GAREM2: variants seen among roughly 807,000 people sequenced by gnomAD.
GAREM2 encodes the protein GRB2-associated and regulator of MAPK protein 2.
Under a neutral mutation model 55.6 loss-of-function variants are expected in GAREM2, and 30 were observed. The observed-to-expected ratio is 0.54, with a 90% CI of 0.40 to 0.73. The LOEUF (loss-of-function observed/expected upper bound fraction) is 0.73. Among genes scored for constraint, GAREM2 ranks in the 30% least tolerant of loss-of-function variants. GAREM2 has a pLI of 0.00. For missense variants in GAREM2, 1,075 were observed against 1,257.7 expected (o/e 0.85, Z 2.20); for synonymous variants, 550 against 569.1 (o/e 0.97, Z 0.48).
At chr2:26,202,401 A>C in the GAREM2 span, among the ~76,000 whole-genome samples, 1 of 152,170 alleles carries the variant, frequency 6.6e-6, no homozygotes, top group Non-Finnish European at 1.5e-5. Flanking sequence ...TTCCTTAACC[A>C]AAAGCAAAAT....
chr2:26,194,646 G>A (rs1458577630), downstream of GAREM2: 2 of 1,597,728 alleles, frequency 1.3e-6, no homozygotes, highest in Non-Finnish European at 1.7e-6. Flanking sequence ...ATCCTGCCAA[G>A]GAAGAGAACA....
the GAREM2 span, among the ~76,000 whole-genome samples, chr2:26,197,264 G>A: frequency 6.6e-6 from 1 of 152,148 alleles, no homozygotes; most frequent in Non-Finnish European, 1.5e-5. Context: ...ATGTCCCGGG[G>A]TAGAAGGTGT....
At chr2:26,182,094 A>T in intron 2 of GAREM2, 1 of 1,075,258 alleles carries the variant, frequency 9.3e-7, no homozygotes, top group South Asian at 3.8e-5. Context: ...ATCAGATGCC[A>T]GGGCGGCTCA....
At chr2:26,178,143 A>C (rs1668923446) in intron 2 of GAREM2, among the ~76,000 whole-genome samples, 1 of 152,136 alleles carries the variant, frequency 6.6e-6, no homozygotes, top group Admixed American at 6.5e-5. Context: ...CCCTTAAAAG[A>C]TGTGGAAACT....
At chr2:26,189,893 A>G (rs1252570396), downstream of GAREM2, among the ~76,000 whole-genome samples, 3 of 152,188 alleles carry the variant, frequency 2.0e-5, no homozygotes, top group Non-Finnish European at 4.4e-5. Flanking sequence ...TAGTTTCAAC[A>G]TAATTCACAC....
chr2:26,204,262 T>C, the GAREM2 span: 12 of 1,447,594 alleles, frequency 8.3e-6, no homozygotes, highest in Admixed American at 1.7e-5. Flanking sequence ...AAGTGGAAGA[T>C]TGCCTAAGTT....
chr2:26,187,784 C>T lies in GAREM2; in HGVS notation c.2152C>T (p.Arg718Cys), dbSNP rs369253708. 4.7e-5 allele frequency: 68 copies of T among 1,445,538 alleles called. 1 individual carries two copies. Among genetic ancestry groups the T allele is most frequent in the African/African-American group, 2.2e-4 (15 of 69,674 alleles). 89.5% of individuals were successfully genotyped at this position (1,445,538 alleles called of 1,614,324 possible). The stretch of plus-strand genomic sequence containing the variant: ...CAGTTCTCCAGAGCCTGAGCTGCTG[C>T]GTTCTCAGGAGCCCAGAGCAGTGGG... ...QGSSPEPELL[R>C]SQEPRAVGTP... The change falls in exon 6 of 6, where the codon CGT becomes TGT. Residue 718 changes from arginine (R) to cysteine (C), a missense_variant. Coordinates refer to ENST00000401533, the MANE Select transcript of GAREM2 (RefSeq NM_001168241.2).
At chr2:26,194,811 G>T in the GAREM2 span, among the ~76,000 whole-genome samples, 2 of 152,212 alleles carry the variant, frequency 1.3e-5, no homozygotes, top group Admixed American at 1.3e-4. Flanking sequence ...AGCCGTACTA[G>T]GGGTAGCCTG....
At position 26,185,211 on chromosome 2, in the gene GAREM2, G is replaced by T; in HGVS notation, c.1363G>T (p.Ala455Ser). Residue 455 changes from alanine (A) to serine (S), a missense_variant, in exon 4 of 6, where the codon GCC becomes TCC. Physicochemically the swap from Ala to Ser is moderately conservative, Grantham distance 99. Around this residue, in one of 6 missense-constraint regions of GAREM2, gnomAD observed 515 missense variants for 501.5 expected, o/e 1.03. Transcript: ENST00000401533. Reference sequence around the variant, plus strand: ...AGGGCTCGATCTCATCTCCTTCGGGGCCGCGGGACCGCCGCGTCGGGAGCC... The same window carrying T: ...AGGGCTCGATCTCATCTCCTTCGGGTCCGCGGGACCGCCGCGTCGGGAGCC... ...PPGLDLISFG[A>S]AGPPRREPEA... The T allele has an allele frequency of 6.6e-7, 1 of 1,521,456 alleles. No individual in the cohort carries two copies. Among genetic ancestry groups the T allele is most frequent in the Non-Finnish European group, 8.8e-7 (1 of 1,141,454 alleles). The allele number at this position is 1,521,456 out of a possible 1,614,324, so 94.2% of individuals were successfully genotyped here.
chr2:26,184,953 G>T lies in GAREM2; in HGVS notation c.1105G>T (p.Ala369Ser), dbSNP rs1478513359. ...TAVREAPAEL[A>S]EDCASPRRAR... ...CGTGCGCGAGGCGCCAGCGGAGCTC[G>T]CCGAAGACTGCGCCAGCCCGCGCCG... Residue 369 changes from alanine to serine, a missense_variant, in exon 4 of 6, where the codon GCC becomes TCC. By Grantham distance (99) the Ala-to-Ser change is moderately conservative. Around this residue, in one of 6 missense-constraint regions of GAREM2, gnomAD observed 170 missense variants for 220.7 expected, o/e 0.77. Transcript: ENST00000401533. 7 of 1,261,010 alleles carry T rather than the reference G, an allele frequency of 5.6e-6. No homozygotes were observed. The highest frequency in any genetic ancestry group is 7.0e-6 in the Non-Finnish European group (7 of 1,004,376). The allele number at this position is 1,261,010 out of a possible 1,614,324, so 78.1% of individuals were successfully genotyped here. A position where few individuals can be genotyped will look rare whatever the true frequency, so the allele number is the denominator to read the frequency against.
In GAREM2 at chr2:26,182,777, T is replaced by G. The variant is rs564462846; in HGVS notation, c.254-190T>G. On this transcript the variant is annotated intron_variant, in intron 2 of 5. Transcript: ENST00000401533. ...TAGTTGCTAGGGATCTGTGCTCACC[T>G]TGCTGAGGCTGGAGCCAGATGACCA... 2.0e-5 allele frequency among the ~76,000 whole-genome samples: 3 copies of G among 152,302 alleles called. No homozygotes were observed. The East Asian group carries it at 5.8e-4, about 29-fold the overall frequency.
chr2:26,175,622 TC>T (rs1305896396), intron 1 of GAREM2, among the ~76,000 whole-genome samples: 1 of 150,004 alleles, frequency 6.7e-6, no homozygotes, highest in Non-Finnish European at 1.5e-5. Flanking sequence ...TTCTGGGGAC[TC>T]CCCCCCTCTC....
the GAREM2 span, among the ~76,000 whole-genome samples, chr2:26,201,590 C>T: frequency 2.0e-5 from 3 of 152,246 alleles, no homozygotes; most frequent in Admixed American, 1.3e-4. Flanking sequence ...GCCCAATTTA[C>T]GTAAACTAAA....
chr2:26,194,424 G>A, downstream of GAREM2: 1 of 713,136 alleles, frequency 1.4e-6, no homozygotes, highest in East Asian at 2.6e-5. Flanking sequence ...CGACTGCTGT[G>A]CAGAGAGAGG....
the GAREM2 span, chr2:26,201,011 C>A: frequency 2.7e-6 from 2 of 734,166 alleles, no homozygotes; most frequent in South Asian, 1.5e-5. Context: ...GGATTATAGG[C>A]GTGAGCCACC....
At chr2:26,201,144 C>T in the GAREM2 span, 1 of 1,607,714 alleles carries the variant, frequency 6.2e-7, no homozygotes, top group South Asian at 1.1e-5. Flanking sequence ...CAGCCCCTTG[C>T]TTACCGCTTC....
At chr2:26,175,368 C>A (rs1668829800) in intron 1 of GAREM2, among the ~76,000 whole-genome samples, 1 of 152,178 alleles carries the variant, frequency 6.6e-6, no homozygotes, top group South Asian at 2.1e-4. Context: ...ACACCTCTGC[C>A]CCAGAGCAGC....
the GAREM2 span, chr2:26,195,287 G>C: frequency 2.2e-5 from 32 of 1,456,158 alleles, no homozygotes; most frequent in Non-Finnish European, 2.9e-5. Flanking sequence ...AGGAACCTGA[G>C]AGCATTCCTT....
chr2:26,204,252 A>C, the GAREM2 span: 1 of 1,537,154 alleles, frequency 6.5e-7, no homozygotes. Context: ...ATTTCAGTCA[A>C]AGTGGAAGAT....
Sources: gnomAD v4.1 joint callset for allele counts (sites outside exome capture counted in the v4.1 genomes callset) on GRCh38, gnomAD v4.1.1 for gene constraint, gnomAD v4.1.1 regional missense constraint, MANE v1.5 for transcripts, NCBI Gene and HGNC (gene_info 2026-07-23, HGNC 2026-07-21) for gene names.